SH3PXD2B: variants seen among roughly 807,000 people sequenced by gnomAD.
SH3PXD2B encodes SH3 and PX domains 2B.
Under a neutral mutation model 73.1 loss-of-function variants are expected in SH3PXD2B, and 37 were observed. That is an observed-to-expected ratio of 0.51 (90% CI 0.39 to 0.67). The LOEUF (loss-of-function observed/expected upper bound fraction) is 0.67. SH3PXD2B is among the 30% of genes least tolerant of loss of function. The pLI is 0.00. For missense variants in SH3PXD2B, 1,053 were observed against 1,197.8 expected, an observed-to-expected ratio of 0.88 and a Z score of 1.78; for synonymous variants, 457 against 480.5, an observed-to-expected ratio of 0.95 and a Z score of 0.64.
chr5:172,352,230 T>G (rs553319007), intron 9 of SH3PXD2B, among the ~76,000 whole-genome samples: 3 of 152,304 alleles, frequency 2.0e-5, no homozygotes, highest in African/African-American at 7.2e-5. Context: ...TTAAAAAAAC[T>G]AATGTCTTTA....
chr5:172,348,864 G>A (rs1007275009), intron 10 of SH3PXD2B, among the ~76,000 whole-genome samples: 2 of 151,872 alleles, frequency 1.3e-5, no homozygotes, highest in Non-Finnish European at 2.9e-5. Context: ...GTGCCACCAC[G>A]CCCAGCTAAT....
At chr5:172,366,546 G>A (rs76517170) in intron 6 of SH3PXD2B, among the ~76,000 whole-genome samples, 20,442 of 152,178 alleles carry the variant, frequency 0.13, 1,971 homozygotes, top group African/African-American at 0.27. Flanking sequence ...TCTTATTTCA[G>A]TGGGAACCAC....
At chr5:172,352,550 G>A (rs1028907706) in intron 9 of SH3PXD2B, among the ~76,000 whole-genome samples, 1 of 152,146 alleles carries the variant, frequency 6.6e-6, no homozygotes, top group Non-Finnish European at 1.5e-5. Flanking sequence ...GATATGGTTT[G>A]GCTGTGTCCC....
intron 6 of SH3PXD2B, among the ~76,000 whole-genome samples, chr5:172,366,915 A>G (rs1757539579): frequency 1.5e-5 from 2 of 132,914 alleles, no homozygotes; most frequent in Admixed American, 8.4e-5. Context: ...TATAGGTGTG[A>G]GCCATCGTGC....
intron 3 of SH3PXD2B, among the ~76,000 whole-genome samples, chr5:172,403,253 C>G (rs555003631): frequency 6.6e-6 from 1 of 152,244 alleles, no homozygotes; most frequent in African/African-American, 2.4e-5. Context: ...GCCAAGTTGG[C>G]TTCCCCAGCT....
chr5:172,356,304 C>A (rs917705866), intron 8 of SH3PXD2B, among the ~76,000 whole-genome samples: 4 of 152,172 alleles, frequency 2.6e-5, no homozygotes, highest in Non-Finnish European at 5.9e-5. Flanking sequence ...ACCCCCAGAT[C>A]CAGCTCTGCT....
intron 12 of SH3PXD2B, among the ~76,000 whole-genome samples, chr5:172,344,720 T>C (rs1756950451): frequency 6.6e-6 from 1 of 152,104 alleles, no homozygotes; most frequent in South Asian, 2.1e-4. Context: ...CTCATCCCTT[T>C]AGCCCTTCAC....
At chr5:172,452,810 A>G (rs1759827106) in intron 1 of SH3PXD2B, among the ~76,000 whole-genome samples, 1 of 152,192 alleles carries the variant, frequency 6.6e-6, no homozygotes, top group Non-Finnish European at 1.5e-5. Context: ...CAAACAAGAA[A>G]CTAAGATTTG....
chr5:172,397,763 T>C (rs1320487606), intron 3 of SH3PXD2B, among the ~76,000 whole-genome samples: 1 of 152,190 alleles, frequency 6.6e-6, no homozygotes, highest in African/African-American at 2.4e-5. Flanking sequence ...ACTGGCACAA[T>C]GGGGGGCTGA....
chr5:172,406,178 C>T, intron 3 of SH3PXD2B, 99 bp downstream of exon 3: 2 of 1,308,198 alleles, frequency 1.5e-6, no homozygotes, highest in Non-Finnish European at 1.1e-6. Flanking sequence ...GGATGGTGTC[C>T]CCTGATAAAG....
In SH3PXD2B at chr5:172,334,483, A is replaced by C. The variant is rs558633981; in HGVS notation, c.*3886T>G. On this transcript the variant is annotated 3_prime_UTR_variant, in exon 13 of 13. Transcript: ENST00000311601. ...GGTATGGATGTCTGCAGTCTACACA[A>C]CAGCCCTGCAGAACGGGCCTGGACA... 1.0e-6 allele frequency: 1 copy of C among 985,920 alleles called. No individual in the cohort carries two copies. The highest frequency in any genetic ancestry group is 4.7e-5 in the South Asian group (1 of 21,294). The allele number at this position is 985,920 out of a possible 1,614,324, so 61.1% of individuals were successfully genotyped here. A position where few individuals can be genotyped will look rare whatever the true frequency, so the allele number is the denominator to read the frequency against.
At chr5:172,393,905 G>A (rs1358895292) in intron 4 of SH3PXD2B, among the ~76,000 whole-genome samples, 1 of 152,018 alleles carries the variant, frequency 6.6e-6, no homozygotes, top group Non-Finnish European at 1.5e-5. Flanking sequence ...AAGCATGAAT[G>A]TATAATGGAA....
chr5:172,439,893 A>T (rs1251061620), intron 1 of SH3PXD2B, among the ~76,000 whole-genome samples: 1 of 152,152 alleles, frequency 6.6e-6, no homozygotes, highest in African/African-American at 2.4e-5. Flanking sequence ...GTGCAGCTCC[A>T]GCCCAGGCCT....
chr5:172,428,066 G>T (rs1021016643), intron 1 of SH3PXD2B, among the ~76,000 whole-genome samples: 1 of 152,010 alleles, frequency 6.6e-6, no homozygotes, highest in African/African-American at 2.4e-5. Context: ...ATGAGCCACC[G>T]CACCTGGCCA....
Position 172,334,434 on chromosome 5 carries a change from G to C in SH3PXD2B, c.*3935C>G. 1.0e-6 allele frequency: 1 copy of C among 988,134 alleles called. No homozygotes were observed. The highest frequency in any genetic ancestry group is 1.2e-6 in the Non-Finnish European group (1 of 832,072). 61.2% of individuals were successfully genotyped at this position (988,134 alleles called of 1,614,324 possible). On this transcript the variant is annotated 3_prime_UTR_variant, in exon 13 of 13. Transcript: ENST00000311601. ...CTCTCATCAGCCCACAGTCTGACAC[G>C]AGGTCATCTTTGGTCTGTGGTGAGG... is the stretch of plus-strand genomic sequence containing the variant.
intron 1 of SH3PXD2B, among the ~76,000 whole-genome samples, chr5:172,424,034 C>G (rs1302540079): frequency 6.6e-6 from 1 of 151,084 alleles, no homozygotes; most frequent in Non-Finnish European, 1.5e-5. Context: ...TGGGGGCTAC[C>G]CATCCTCACT....
rs549212626 is a variant in SH3PXD2B, at chr5:172,431,432, C to CT, written c.76-8937dup. Among the ~76,000 whole-genome samples the CT allele has an allele frequency of 3.5e-3, 527 of 152,296 alleles. 3 individuals are homozygous for CT. The highest frequency in any genetic ancestry group is 5.3e-3 in the Non-Finnish European group (359 of 68,022). On this transcript the variant is annotated intron_variant, in intron 1 of 12. Coordinates refer to ENST00000311601, the MANE Select transcript of SH3PXD2B (RefSeq NM_001017995.3). Reference sequence around the variant, plus strand: ...GCTTCGGGTAGTATTCCAGTTCCTGCTTCCCAGGCCTGCCCGCCCACCGGA... The same window carrying CT: ...GCTTCGGGTAGTATTCCAGTTCCTGCTTTCCCAGGCCTGCCCGCCCACCGGA...
In SH3PXD2B at chr5:172,339,341, G is replaced by C; in HGVS notation, c.1764C>G (p.Phe588Leu). 6.2e-7 allele frequency: 1 copy of C among 1,614,208 alleles called. No individual in the cohort carries two copies. The highest frequency in any genetic ancestry group is 8.5e-7 in the Non-Finnish European group (1 of 1,180,046). The change falls in exon 13 of 13, where the codon TTC becomes TTG. Residue 588 changes from phenylalanine (F) to leucine (L), a missense_variant. Coordinates refer to ENST00000311601, the MANE Select transcript of SH3PXD2B (RefSeq NM_001017995.3). The surrounding 1 kb of genome is among the most constrained non-coding windows in gnomAD (Gnocchi z 6.1). ...PEPKPDKSRL[F>L]QLKNDMGLEC... ...CCAGCCCCATGTCATTTTTCAGCTG[G>C]AACAGTCTGCTTTTGTCAGGTTTGG...
intron 3 of SH3PXD2B, 124 bp from the exon 4 acceptor site, chr5:172,394,763 G>A (rs756099386): frequency 4.1e-5 from 39 of 942,918 alleles, no homozygotes; most frequent in Non-Finnish European, 5.9e-5. Flanking sequence ...TCCTGGCTGC[G>A]ATCAAGGTAC....
Sources: allele counts gnomAD v4.1 joint callset (sites outside exome capture counted in the v4.1 genomes callset), GRCh38; gene constraint gnomAD v4.1.1; non-coding constraint Gnocchi (gnomAD v3.1); transcripts MANE v1.5; gene names NCBI Gene and HGNC (gene_info 2026-07-23, HGNC 2026-07-21).